Variants in FHOD3 observed in about 807,000 individuals in gnomAD.
FHOD3 encodes formin homology 2 domain containing 3.
A neutral mutation model predicts 173.0 loss-of-function variants in FHOD3; 90 were observed. The observed-to-expected ratio is 0.52, with a 90% CI of 0.44 to 0.62. The LOEUF (loss-of-function observed/expected upper bound fraction) is 0.62. Ranked by LOEUF, FHOD3 falls within the 20% of genes least tolerant of loss-of-function variation. The pLI is 0.00. For synonymous variants in FHOD3, 828 were observed against 823.0 expected, an observed-to-expected ratio of 1.01 and a Z score of -0.10; for missense variants, 1,945 against 2,034.7, an observed-to-expected ratio of 0.96 and a Z score of 0.85.
chr18:36,657,166 C>A (rs2036482360), intron 13 of FHOD3, among the ~76,000 whole-genome samples: 1 of 152,178 alleles, frequency 6.6e-6, no homozygotes, highest in South Asian at 2.1e-4. Context: ...CTGTTGGGGT[C>A]CCACACATTC....
At chr18:36,648,783 C>G (rs1252458403) in intron 10 of FHOD3, among the ~76,000 whole-genome samples, 2 of 152,146 alleles carry the variant, frequency 1.3e-5, no homozygotes, top group African/African-American at 2.4e-5. Flanking sequence ...GGTGGCCATT[C>G]ATTGAGAATA....
At chr18:36,588,034 A>G (rs903903453) in intron 6 of FHOD3, among the ~76,000 whole-genome samples, 1 of 152,194 alleles carries the variant, frequency 6.6e-6, no homozygotes. Context: ...TGTGCCAACC[A>G]TAGTCTCCAC....
intron 3 of FHOD3, among the ~76,000 whole-genome samples, chr18:36,445,462 A>G (rs960899188): frequency 1.3e-5 from 2 of 152,222 alleles, no homozygotes; most frequent in African/African-American, 2.4e-5. Flanking sequence ...AATAAATTCT[A>G]ATGTATGGAA....
At chr18:36,485,083 G>T (rs1235929728) in intron 3 of FHOD3, among the ~76,000 whole-genome samples, 1 of 152,178 alleles carries the variant, frequency 6.6e-6, no homozygotes, top group Non-Finnish European at 1.5e-5. Context: ...TTGAGCATTT[G>T]GGGGTGGATG....
chr18:36,685,025 G>A lies in FHOD3; in HGVS notation c.1971-2103G>A, dbSNP rs969985913. Among the ~76,000 whole-genome samples, 26 of 152,282 alleles carry A rather than the reference G, an allele frequency of 1.7e-4. No homozygotes were observed. In the South Asian group the frequency reaches 3.3e-3, roughly 19 times the overall value. On this transcript the variant is annotated intron_variant, in intron 15 of 28. Transcript: ENST00000590592. ...TCACTGTGTTGCCCAGGCTGGTTTT[G>A]AACTCCTGGGCTCAAGTGATCCTTC...
intron 21 of FHOD3, among the ~76,000 whole-genome samples, chr18:36,741,377 C>T (rs2041894520): frequency 6.6e-6 from 1 of 152,128 alleles, no homozygotes; most frequent in Non-Finnish European, 1.5e-5. Context: ...GAGTTTTTCG[C>T]AGGCTGAACA....
rs1280265687 is a variant in FHOD3 at position 36,611,980 on chromosome 18, CCTT to C, written c.845_847del (p.Phe282del). ...TTATCAGGACTACCAGACCAAGACA[CCTT>C]CTACGACGTCGTGGACTGCCTGGAG... On this transcript the variant is annotated inframe_deletion, in exon 9 of 29. Coordinates refer to ENST00000590592, the MANE Select transcript of FHOD3 (RefSeq NM_001281740.3). 6 of 1,613,952 alleles carry C rather than the reference CCTT, an allele frequency of 3.7e-6. No individual in the cohort carries two copies. Among genetic ancestry groups the C allele is most frequent in the Non-Finnish European group, 4.2e-6 (5 of 1,179,994 alleles).
intron 3 of FHOD3, among the ~76,000 whole-genome samples, chr18:36,435,389 CT>C (rs1356680920): frequency 6.6e-6 from 1 of 151,972 alleles, no homozygotes; most frequent in Non-Finnish European, 1.5e-5. Flanking sequence ...AAAAATAATT[CT>C]TTGAAAGAAA....
At chr18:36,520,347 T>G (rs532812917) in intron 5 of FHOD3, among the ~76,000 whole-genome samples, 44 of 152,332 alleles carry the variant, frequency 2.9e-4, no homozygotes, top group Admixed American at 7.2e-4. Flanking sequence ...AAATACTTCA[T>G]GTAGAGCATC....
intron 1 of FHOD3, among the ~76,000 whole-genome samples, chr18:36,342,809 C>T (rs2045689246): frequency 6.6e-6 from 1 of 152,164 alleles, no homozygotes; most frequent in South Asian, 2.1e-4. Context: ...AAATAAGAAG[C>T]TCTTACAACT....
chr18:36,541,363 G>A (rs2057212464), intron 5 of FHOD3, among the ~76,000 whole-genome samples: 2 of 151,920 alleles, frequency 1.3e-5, no homozygotes, highest in South Asian at 4.1e-4. Flanking sequence ...AGGATTTCTT[G>A]GGGCTAAGAG....
chr18:36,392,135 G>A (rs900430898), intron 3 of FHOD3, among the ~76,000 whole-genome samples: 4 of 152,150 alleles, frequency 2.6e-5, no homozygotes, highest in Non-Finnish European at 5.9e-5. Flanking sequence ...TTGAGCAGGC[G>A]ATTTCTCACC....
chr18:36,666,830 G>A (rs1204372112), intron 14 of FHOD3, among the ~76,000 whole-genome samples: 1 of 152,130 alleles, frequency 6.6e-6, no homozygotes, highest in African/African-American at 2.4e-5. Context: ...TGGCGTATGT[G>A]TACAACAGTG....
intron 3 of FHOD3, among the ~76,000 whole-genome samples, chr18:36,427,612 G>T (rs906798304): frequency 6.6e-6 from 1 of 152,184 alleles, no homozygotes; most frequent in Admixed American, 6.5e-5. Flanking sequence ...CACTCTTGCG[G>T]ATTTAATAAT....
intron 3 of FHOD3, among the ~76,000 whole-genome samples, chr18:36,491,390 G>A (rs535408897): frequency 2.6e-5 from 4 of 152,258 alleles, no homozygotes; most frequent in African/African-American, 9.6e-5. Flanking sequence ...TGTTATAACT[G>A]ATAAACCAAT....
At chr18:36,380,547 CTTTT>C (rs1282826727) in intron 3 of FHOD3, among the ~76,000 whole-genome samples, 5 of 93,764 alleles carry the variant, frequency 5.3e-5, no homozygotes, top group Non-Finnish European at 1.1e-4. Flanking sequence ...CTCTCTCTTT[CTTTT>C]GTTTTCTTTT....
intron 1 of FHOD3, among the ~76,000 whole-genome samples, chr18:36,332,444 A>G (rs2045069327): frequency 6.6e-6 from 1 of 152,226 alleles, no homozygotes; most frequent in South Asian, 2.1e-4. Flanking sequence ...TCCACCTGAA[A>G]GGAACTGAGC....
rs1260542354 is a variant in FHOD3, at chr18:36,308,637, CTG to C, written c.165+10640_165+10641del. On this transcript the variant is annotated intron_variant, in intron 1 of 28. Transcript: ENST00000590592. ...ACTGAGCACCTTCGGACCCAGGACA[CTG>C]TGGGTCTCACTTCATCCTGTGGCTG... Among the ~76,000 whole-genome samples, 5 of 152,206 alleles carry C rather than the reference CTG, an allele frequency of 3.3e-5. No individual in the cohort carries two copies. In the East Asian group the frequency reaches 7.7e-4, roughly 23 times the overall value.
At chr18:36,606,697 C>T (rs2848906) in intron 8 of FHOD3, among the ~76,000 whole-genome samples, 116,505 of 152,048 alleles carry the variant, frequency 0.77, 45,505 homozygotes, top group East Asian at 1. Flanking sequence ...ACTCAAGGCA[C>T]GATTCATCCT....
Sources: gnomAD v4.1 joint callset for allele counts (sites outside exome capture counted in the v4.1 genomes callset) on GRCh38, gnomAD v4.1.1 for gene constraint, MANE v1.5 for transcripts, NCBI Gene and HGNC (gene_info 2026-07-23, HGNC 2026-07-21) for gene names.